Variants in COL24A1 observed in about 807,000 individuals in gnomAD.
COL24A1 encodes collagen type XXIV alpha 1 chain, also known as collagen alpha-1(XXIV) chain.
COL24A1 carries 224 observed loss-of-function variants against 253.9 expected under a neutral mutation model. That is an observed-to-expected ratio of 0.88 (90% CI 0.79 to 0.99). The LOEUF (loss-of-function observed/expected upper bound fraction) is 0.99. COL24A1 is among the 50% of genes least tolerant of loss of function. The pLI is 0.00. For missense variants in COL24A1, 2,131 were observed against 2,068.5 expected (o/e 1.03, Z -0.59); for synonymous variants, 685 against 673.7 (o/e 1.02, Z -0.26).
chr1:85,805,082 C>G (rs2101825448), intron 47 of COL24A1, among the ~76,000 whole-genome samples: 1 of 152,240 alleles, frequency 6.6e-6, no homozygotes, highest in South Asian at 2.1e-4. Context: ...CTCAAGAGGT[C>G]CTCTTGCCTT....
chr1:86,005,648 T>C (rs1006208745), intron 19 of COL24A1, among the ~76,000 whole-genome samples: 1 of 151,892 alleles, frequency 6.6e-6, no homozygotes, highest in African/African-American at 2.4e-5. Flanking sequence ...AAAAAGAAAT[T>C]AGAAAAGGAA....
chr1:86,055,205 T>G (rs1265496406), intron 10 of COL24A1, among the ~76,000 whole-genome samples: 5 of 152,184 alleles, frequency 3.3e-5, no homozygotes, highest in Admixed American at 1.3e-4. Context: ...TGTTCACTGC[T>G]TTGACAACAG....
At chr1:85,739,061 G>C (rs78117562) in intron 57 of COL24A1, among the ~76,000 whole-genome samples, 5,881 of 152,204 alleles carry the variant, frequency 0.039, 199 homozygotes, top group East Asian at 0.15. Context: ...AGGGGTGAAG[G>C]AGGTCAACCA....
At chr1:85,797,506 G>C (rs1016766935) in intron 47 of COL24A1, among the ~76,000 whole-genome samples, 8 of 152,168 alleles carry the variant, frequency 5.3e-5, no homozygotes, top group Non-Finnish European at 7.4e-5. Flanking sequence ...AGTACACAAA[G>C]GCCAGAAAGT....
chr1:86,145,040 A>G (rs1473706110), intron 2 of COL24A1, among the ~76,000 whole-genome samples: 1 of 152,142 alleles, frequency 6.6e-6, no homozygotes, highest in Non-Finnish European at 1.5e-5. Context: ...TTCCCATAAA[A>G]GAGATTTAGA....
At chr1:85,868,692 G>T (rs1397402787) in intron 36 of COL24A1, 66 bp from the exon 37 acceptor site, 4 of 1,486,884 alleles carry the variant, frequency 2.7e-6, no homozygotes, top group South Asian at 1.2e-5. Flanking sequence ...ATAATAAACA[G>T]GTTTTTGTCA....
At chr1:85,897,640 T>C (rs1048353454) in intron 28 of COL24A1, among the ~76,000 whole-genome samples, 4 of 152,170 alleles carry the variant, frequency 2.6e-5, no homozygotes, top group African/African-American at 9.7e-5. Flanking sequence ...GTTGCAAAAG[T>C]CATTCTATAA....
At chr1:86,075,386 T>A (rs1265743862) in intron 7 of COL24A1, among the ~76,000 whole-genome samples, 1 of 152,058 alleles carries the variant, frequency 6.6e-6, no homozygotes, top group African/African-American at 2.4e-5. Flanking sequence ...GTTCTGAAAT[T>A]GAGGCAGTTA....
At chr1:85,958,250 AC>A (rs1405335017) in intron 24 of COL24A1, among the ~76,000 whole-genome samples, 1 of 152,000 alleles carries the variant, frequency 6.6e-6, no homozygotes, top group Non-Finnish European at 1.5e-5. Flanking sequence ...TTTTTTCCCC[AC>A]CCCTTCCCTG....
In COL24A1 at chr1:86,126,233, G is replaced by A. The variant is rs1164073912; in HGVS notation, c.122-19C>T. 5.2e-6 allele frequency: 8 copies of A among 1,551,032 alleles called. No homozygotes were observed. Among genetic ancestry groups the A allele is most frequent in the East Asian group, 2.3e-5 (1 of 44,374 alleles). On this transcript the variant is annotated intron_variant, in intron 2 of 59. Coordinates refer to ENST00000370571, the MANE Select transcript of COL24A1 (RefSeq NM_152890.7). Reference sequence around the variant, plus strand: ...TCTATGCCTGGAAATTTAAAAAAGAGAGAGAGAAAGAATCTTAATTTTATG... The same window carrying A: ...TCTATGCCTGGAAATTTAAAAAAGAAAGAGAGAAAGAATCTTAATTTTATG...
chr1:85,958,903 T>C (rs1277394570), intron 24 of COL24A1, among the ~76,000 whole-genome samples: 1 of 152,104 alleles, frequency 6.6e-6, no homozygotes, highest in Non-Finnish European at 1.5e-5. Context: ...ATACTATAAA[T>C]AATTGCAAGA....
At chr1:85,842,181 T>G in intron 40 of COL24A1, 60 bp from the exon 41 acceptor site, 1 of 1,534,940 alleles carries the variant, frequency 6.5e-7, no homozygotes, top group South Asian at 1.1e-5. Context: ...TATTGCATTA[T>G]TCTGAAAGGA....
intron 37 of COL24A1, among the ~76,000 whole-genome samples, chr1:85,864,902 A>G (rs977474686): frequency 2.0e-5 from 3 of 152,174 alleles, no homozygotes; most frequent in African/African-American, 2.4e-5. Flanking sequence ...ATTTTTTAGC[A>G]TAGATAACAG....
Position 85,838,686 on chromosome 1 carries a change from T to C in COL24A1, c.3628-48A>G, listed in dbSNP as rs767857227. 7.9e-6 allele frequency: 12 copies of C among 1,525,762 alleles called. No homozygotes were observed. The Admixed American group carries it at 2.1e-4, about 26-fold the overall frequency. 94.5% of individuals were successfully genotyped at this position (1,525,762 alleles called of 1,614,324 possible). A position where few individuals can be genotyped will look rare whatever the true frequency, so the allele number is the denominator to read the frequency against. ...AATCAGTTTTACAGCTGGATCAAAG[T>C]ATATGCGAATGCAGGTGATAAGATT... On this transcript the variant is annotated intron_variant, in intron 42 of 59. Coordinates refer to ENST00000370571, the MANE Select transcript of COL24A1 (RefSeq NM_152890.7).
rs1320712585 is a variant in COL24A1 at position 85,734,780 on chromosome 1, A to G, written c.4967T>C (p.Leu1656Pro). The part of the protein sequence containing the change: ...NGQIFKVNTL[L>P]EPKVLSDDCK... ...GTCATCTGAAAGCACTTTAGGTTCA[A>G]GTAGAGTGTTTACTTTAAAAATCTG... The change falls in exon 59 of 60, where the codon CTT (leucine) becomes CCT (proline). Residue 1656 changes from leucine to proline, a missense_variant. Leu to Pro is a moderately conservative substitution (Grantham distance 98, BLOSUM62 -3). Transcript: ENST00000370571. The G allele has an allele frequency of 1.2e-6, 2 of 1,614,096 alleles. No homozygotes were observed. The highest frequency in any genetic ancestry group is 1.7e-6 in the Non-Finnish European group (2 of 1,180,048).
At chr1:85,869,934 T>C (rs1470005461) in intron 35 of COL24A1, among the ~76,000 whole-genome samples, 2 of 152,088 alleles carry the variant, frequency 1.3e-5, no homozygotes, top group Non-Finnish European at 2.9e-5. Context: ...CCCATCAGTG[T>C]GCTGTATTCA....
chr1:85,843,518 G>C (rs1676846941), intron 39 of COL24A1, among the ~76,000 whole-genome samples: 1 of 152,122 alleles, frequency 6.6e-6, no homozygotes, highest in African/African-American at 2.4e-5. Context: ...GTATTTATTT[G>C]TAATAACAAC....
chr1:85,773,797 A>C (rs1160246807), intron 53 of COL24A1, among the ~76,000 whole-genome samples: 1 of 152,196 alleles, frequency 6.6e-6, no homozygotes, highest in Non-Finnish European at 1.5e-5. Flanking sequence ...TTCTAAATAT[A>C]TAATCATGTC....
intron 1 of COL24A1, among the ~76,000 whole-genome samples, chr1:86,149,305 T>C (rs931162599): frequency 6.6e-6 from 1 of 152,220 alleles, no homozygotes; most frequent in Non-Finnish European, 1.5e-5. Context: ...TTCCACTGAT[T>C]CTAATGTGCA....
Sources: allele counts gnomAD v4.1 joint callset (sites outside exome capture counted in the v4.1 genomes callset), GRCh38; gene constraint gnomAD v4.1.1; transcripts MANE v1.5; gene names NCBI Gene and HGNC (gene_info 2026-07-23, HGNC 2026-07-21).